ADGRV1: variants seen among roughly 807,000 people sequenced by gnomAD.
The protein encoded by ADGRV1 is G-protein coupled receptor 98.
ADGRV1 carries 359 observed loss-of-function variants against 596.2 expected under a neutral mutation model. That is an observed-to-expected ratio of 0.60 (90% confidence interval 0.55 to 0.66). The LOEUF (loss-of-function observed/expected upper bound fraction) is 0.66. ADGRV1 is among the 30% of genes least tolerant of loss of function. ADGRV1 has a pLI of 0.00. For missense variants in ADGRV1, 7,274 were observed against 7,575.6 expected (o/e 0.96, Z 1.48); for synonymous variants, 2,681 against 2,679.2 (o/e 1.00, Z -0.02).
chr5:91,097,060 C>G (rs115832665), intron 86 of ADGRV1, among the ~76,000 whole-genome samples: 2,265 of 152,274 alleles, frequency 0.015, 64 homozygotes, highest in African/African-American at 0.052. Context: ...TTTTAAGCTT[C>G]AGTATCTCAG....
At chr5:90,589,047 T>C (rs951782075) in intron 1 of ADGRV1, among the ~76,000 whole-genome samples, 13 of 151,942 alleles carry the variant, frequency 8.6e-5, no homozygotes, top group Non-Finnish European at 1.9e-4. Flanking sequence ...AAGAGAAAAA[T>C]AAAGATATCT....
chr5:90,936,159 G>T (rs1581569626), intron 83 of ADGRV1, among the ~76,000 whole-genome samples: 1 of 152,146 alleles, frequency 6.6e-6, no homozygotes, highest in Non-Finnish European at 1.5e-5. Context: ...ATGTTCTGCA[G>T]TATTCTTCCA....
chr5:91,131,732 A>T (rs1400696761), intron 87 of ADGRV1, among the ~76,000 whole-genome samples: 5 of 152,086 alleles, frequency 3.3e-5, no homozygotes, highest in Non-Finnish European at 7.4e-5. Context: ...ATTTTCTCCC[A>T]TTCTGTAGGT....
At chr5:90,729,026 A>C (rs1021221816) in intron 49 of ADGRV1, 93 bp downstream of exon 49, 3 of 836,946 alleles carry the variant, frequency 3.6e-6, no homozygotes, top group Middle Eastern at 7.4e-4. Context: ...TCTTGCAATA[A>C]TTTTTTACTA....
At chr5:91,111,487 G>A (rs1251519059) in intron 87 of ADGRV1, among the ~76,000 whole-genome samples, 1 of 152,166 alleles carries the variant, frequency 6.6e-6, no homozygotes, top group Non-Finnish European at 1.5e-5. Context: ...TTAGTATCCA[G>A]AAGGGTTCAG....
chr5:90,559,036 C>T (rs1371865638), intron 1 of ADGRV1, 119 bp downstream of exon 1: 3 of 881,910 alleles, frequency 3.4e-6, no homozygotes, highest in East Asian at 3.2e-5. Flanking sequence ...GGGCCACAGC[C>T]GGGCCCAGGG....
intron 5 of ADGRV1, among the ~76,000 whole-genome samples, chr5:90,622,983 C>A (rs943957048): frequency 6.6e-6 from 1 of 152,138 alleles, no homozygotes; most frequent in South Asian, 2.1e-4. Flanking sequence ...TCAGGTGATC[C>A]GCCCGCCTTG....
intron 85 of ADGRV1, among the ~76,000 whole-genome samples, chr5:91,031,914 T>C (rs1185020111): frequency 2.0e-5 from 3 of 152,118 alleles, no homozygotes; most frequent in Non-Finnish European, 4.4e-5. Context: ...CAGAGATAAG[T>C]TGTTCAAAAA....
chr5:90,652,257 A>G, intron 18 of ADGRV1, 89 bp from the exon 19 acceptor site: 1 of 905,104 alleles, frequency 1.1e-6, no homozygotes. Context: ...AAGACAATAG[A>G]TAGTAAAAAT....
At position 90,811,153 on chromosome 5, in the gene ADGRV1, C is replaced by T. The variant is rs369030097; in HGVS notation, c.15893C>T (p.Thr5298Ile). The change falls in exon 74 of 90, where the codon ACT becomes ATT. Residue 5298 changes from threonine (T) to isoleucine (I), a missense_variant. Thr to Ile is a moderately conservative substitution (Grantham distance 89). Around this residue, in one of 5 missense-constraint regions of ADGRV1, gnomAD observed 1,874 missense variants for 1,970.2 expected, o/e 0.95. Coordinates refer to ENST00000405460, the MANE Select transcript of ADGRV1 (RefSeq NM_032119.4). ...AVEEEDFEEQ[T>I]LTLIFLDGER... ...GAAGAAGAAGACTTTGAAGAACAAA[C>T]TCTTACCCTTATATTCCTAGATGGA... is the stretch of plus-strand genomic sequence containing the variant. The T allele has an allele frequency of 6.2e-7, 1 of 1,613,752 alleles. No homozygotes were observed.
At position 90,857,239 on chromosome 5, in the gene ADGRV1, G is replaced by A. The variant is rs570906776; in HGVS notation, c.17755+1338G>A. Reference sequence around the variant, plus strand: ...ACTTTTATGCTAATGTATTTAAAGAGCAAAGAAATTTTATAGAATGATGAA... The same window carrying A: ...ACTTTTATGCTAATGTATTTAAAGAACAAAGAAATTTTATAGAATGATGAA... On this transcript the variant is annotated intron_variant, in intron 82 of 89. Coordinates refer to ENST00000405460, the MANE Select transcript of ADGRV1 (RefSeq NM_032119.4). Among the ~76,000 whole-genome samples, 10 of 152,086 alleles carry A rather than the reference G, an allele frequency of 6.6e-5. No individual in the cohort carries two copies. In the South Asian group the frequency reaches 1.9e-3, roughly 29 times the overall value.
chr5:90,949,843 A>G (rs773369994), intron 83 of ADGRV1, among the ~76,000 whole-genome samples: 3 of 150,926 alleles, frequency 2.0e-5, no homozygotes, highest in Non-Finnish European at 4.4e-5. Flanking sequence ...TTATTTTAAA[A>G]TGGACTGTGT....
intron 58 of ADGRV1, chr5:90,763,091 A>T: frequency 2.2e-6 from 1 of 461,694 alleles, no homozygotes; most frequent in Non-Finnish European, 3.9e-6. Context: ...TGCTCTACCT[A>T]ATTGCAAGAG....
chr5:90,899,553 C>G (rs1266603190), intron 83 of ADGRV1, among the ~76,000 whole-genome samples: 1 of 152,200 alleles, frequency 6.6e-6, no homozygotes, highest in Admixed American at 6.5e-5. Flanking sequence ...TTCCCAGGGT[C>G]TGACTTCAGG....
chr5:90,986,088 A>AATATATATATATATATTATGC (rs1780475605), intron 85 of ADGRV1, among the ~76,000 whole-genome samples: 1 of 141,628 alleles, frequency 7.1e-6, no homozygotes, highest in Admixed American at 7.2e-5. Flanking sequence ...ATATATGCAT[A>AATATATATATATATATTATGC]ATATATATAT....
intron 1 of ADGRV1, among the ~76,000 whole-genome samples, chr5:90,594,513 T>C (rs1232243994): frequency 7.5e-6 from 1 of 133,988 alleles, no homozygotes; most frequent in African/African-American, 3.3e-5. Flanking sequence ...TTTTAATCAT[T>C]CTTGGGTGTT....
chr5:91,016,655 C>T (rs1228065390), intron 85 of ADGRV1, among the ~76,000 whole-genome samples: 4 of 151,824 alleles, frequency 2.6e-5, no homozygotes, highest in Non-Finnish European at 2.9e-5. Context: ...TCAGAGATGA[C>T]GCTCACCTGC....
intron 89 of ADGRV1, among the ~76,000 whole-genome samples, chr5:91,153,826 C>T (rs1446455276): frequency 6.6e-6 from 1 of 152,222 alleles, no homozygotes; most frequent in Non-Finnish European, 1.5e-5. Flanking sequence ...TTTCCAAGTG[C>T]TATCACATAC....
intron 21 of ADGRV1, among the ~76,000 whole-genome samples, chr5:90,658,682 T>TTG (rs1769783301): frequency 6.6e-6 from 1 of 151,922 alleles, no homozygotes; most frequent in South Asian, 2.1e-4. Context: ...TTTTGATTTT[T>TTG]TTTTTTTTAC....
Sources: allele counts gnomAD v4.1 joint callset (sites outside exome capture counted in the v4.1 genomes callset), GRCh38; gene constraint gnomAD v4.1.1; regional missense constraint gnomAD v4.1.1; transcripts MANE v1.5; gene names NCBI Gene and HGNC (gene_info 2026-07-23, HGNC 2026-07-21).